Variants in PPA2 observed in about 807,000 individuals in gnomAD.
The protein encoded by PPA2 is inorganic pyrophosphatase 2, mitochondrial.
PPA2 carries 48 observed loss-of-function variants against 49.5 expected under a neutral mutation model. That is an observed-to-expected ratio of 0.97 (90% CI 0.77 to 1.23). The LOEUF (loss-of-function observed/expected upper bound fraction) is 1.23, where lower values mean the gene tolerates loss of function less well. PPA2 is among the 50% of genes most tolerant of loss of function. The pLI, the probability that PPA2 is intolerant of heterozygous loss-of-function variation, is 0.00. For missense variants in PPA2, 429 were observed against 410.1 expected (o/e 1.05, Z -0.40); for synonymous variants, 131 against 139.9 (o/e 0.94, Z 0.45).
At chr4:105,382,361 T>C (rs1307897708) in intron 10 of PPA2, among the ~76,000 whole-genome samples, 1 of 152,216 alleles carries the variant, frequency 6.6e-6, no homozygotes, top group African/African-American at 2.4e-5. Flanking sequence ...TAATTATGTA[T>C]GTGCATTAGA....
intron 6 of PPA2, among the ~76,000 whole-genome samples, chr4:105,424,657 T>A (rs78438014): frequency 6.6e-6 from 1 of 151,862 alleles, no homozygotes; most frequent in Admixed American, 6.6e-5. Context: ...CAGAGAGAAG[T>A]AAACAAATGA....
intron 7 of PPA2, among the ~76,000 whole-genome samples, chr4:105,421,240 A>G (rs1256990566): frequency 1.3e-5 from 2 of 152,338 alleles, no homozygotes; most frequent in Admixed American, 6.5e-5. Context: ...CTTCCAAAGT[A>G]ATAATTTGAG....
intron 5 of PPA2, among the ~76,000 whole-genome samples, chr4:105,443,109 T>A (rs1724441165): frequency 6.6e-6 from 1 of 151,966 alleles, no homozygotes; most frequent in African/African-American, 2.4e-5. Context: ...AGGTTACAAT[T>A]TGGCAGGTGT....
chr4:105,395,257 T>C (rs1734089717), intron 9 of PPA2, among the ~76,000 whole-genome samples: 1 of 151,676 alleles, frequency 6.6e-6, no homozygotes, highest in South Asian at 2.1e-4. Context: ...TGATATTAAA[T>C]AATTCTTTAC....
intron 1 of PPA2, among the ~76,000 whole-genome samples, chr4:105,466,769 CCT>C (rs1330411628): frequency 1.3e-5 from 2 of 152,146 alleles, no homozygotes; most frequent in African/African-American, 4.8e-5. Flanking sequence ...TCCCATCTCC[CCT>C]GATTCTTCCC....
At chr4:105,403,119 G>A (rs1722300496) in intron 7 of PPA2, among the ~76,000 whole-genome samples, 1 of 151,924 alleles carries the variant, frequency 6.6e-6, no homozygotes, top group Non-Finnish European at 1.5e-5. Context: ...GACTTCCAGG[G>A]CTCAATCAAT....
chr4:105,411,794 T>C (rs1354353900), intron 7 of PPA2, among the ~76,000 whole-genome samples: 1 of 152,010 alleles, frequency 6.6e-6, no homozygotes, highest in Non-Finnish European at 1.5e-5. Flanking sequence ...TATACACCAA[T>C]AACAGACAAA....
chr4:105,425,967 A>G (rs1723487004), intron 6 of PPA2, among the ~76,000 whole-genome samples: 1 of 152,168 alleles, frequency 6.6e-6, no homozygotes, highest in East Asian at 1.9e-4. Flanking sequence ...AAATCTTTAA[A>G]ATTCTTAAAA....
intron 10 of PPA2, among the ~76,000 whole-genome samples, chr4:105,379,913 C>T (rs767319752): frequency 3.3e-5 from 5 of 152,112 alleles, no homozygotes; most frequent in Admixed American, 6.6e-5. Flanking sequence ...GGATTACAGG[C>T]GTGAGCCACT....
chr4:105,441,262 A>G (rs1477822327), intron 5 of PPA2, among the ~76,000 whole-genome samples: 2 of 152,180 alleles, frequency 1.3e-5, no homozygotes, highest in Admixed American at 6.5e-5. Flanking sequence ...AAATAAGAAA[A>G]AGGGCAACCC....
intron 6 of PPA2, among the ~76,000 whole-genome samples, chr4:105,427,936 G>C (rs1455861034): frequency 6.6e-6 from 1 of 152,168 alleles, no homozygotes; most frequent in African/African-American, 2.4e-5. Flanking sequence ...AAAATGTTAA[G>C]GGCAGCCAGA....
intron 6 of PPA2, among the ~76,000 whole-genome samples, chr4:105,437,231 A>G (rs565544983): frequency 1.3e-5 from 2 of 148,838 alleles, no homozygotes; most frequent in South Asian, 4.4e-4. Context: ...AATTTAAACC[A>G]CATTGAAAGT....
At chr4:105,431,638 T>C (rs1407373260) in intron 6 of PPA2, among the ~76,000 whole-genome samples, 1 of 152,188 alleles carries the variant, frequency 6.6e-6, no homozygotes, top group African/African-American at 2.4e-5. Flanking sequence ...TGAATGTTCA[T>C]AGCAGCACTA....
Position 105,474,035 on chromosome 4 carries a change from G to C in PPA2, c.16C>G (p.Arg6Gly), listed in dbSNP as rs769620452. 25 of 1,591,224 alleles carry C rather than the reference G, an allele frequency of 1.6e-5. No homozygotes were observed. The highest frequency in any genetic ancestry group is 2.1e-5 in the Non-Finnish European group (25 of 1,168,540). ...GCTGGGGCACCCGTGCGCAGCAGCC[G>C]CAGCAGCGCGCTCATGGCGTCAATG... The part of the protein sequence containing the change: MSALL[R>G]LLRTGAPAAA... The change falls in exon 1 of 12, where the codon CGG becomes GGG. Residue 6 changes from arginine (R) to glycine (G), a missense_variant. By Grantham distance (125) the Arg-to-Gly change is moderately radical. Coordinates refer to ENST00000341695, the MANE Select transcript of PPA2 (RefSeq NM_176869.3).
At chr4:105,426,877 C>T (rs1050766415) in intron 6 of PPA2, among the ~76,000 whole-genome samples, 8 of 152,146 alleles carry the variant, frequency 5.3e-5, no homozygotes, top group Admixed American at 3.9e-4. Flanking sequence ...ATTTGAGCTC[C>T]GATAATAGAC....
Position 105,454,302 on chromosome 4 carries a change from CTGTTGTTGTTGT to C in PPA2, c.223-672_223-661del, listed in dbSNP as rs111229489. 5.9e-4 allele frequency among the ~76,000 whole-genome samples: 87 copies of C among 146,398 alleles called. 1 individual carries two copies. Among genetic ancestry groups the C allele is most frequent in the African/African-American group, 1.1e-3 (45 of 39,290 alleles). Reference sequence around the variant, plus strand: ...AACATTATTTTTGTTTTTGCTGCTGCTGTTGTTGTTGTTGTTGTTGTTGTTGTTGTTGTTGTT... The same window carrying C: ...AACATTATTTTTGTTTTTGCTGCTGCTGTTGTTGTTGTTGTTGTTGTTGTT... On this transcript the variant is annotated intron_variant, in intron 2 of 11. Transcript: ENST00000341695.
chr4:105,382,318 G>C lies in PPA2; in HGVS notation c.939+4249C>G, dbSNP rs918411160. Among the ~76,000 whole-genome samples the C allele has an allele frequency of 2.6e-5, 4 of 152,166 alleles. No individual in the cohort carries two copies. In the South Asian group the frequency reaches 8.3e-4, roughly 32 times the overall value. On this transcript the variant is annotated intron_variant, in intron 10 of 11. Transcript: ENST00000341695. ...TAATATCTACTCAATTTTTGGAAAT[G>C]TGTACATATACTTGAAAAAATTATG...
chr4:105,371,386 T>C (rs537664782), intron 10 of PPA2, among the ~76,000 whole-genome samples: 10 of 152,316 alleles, frequency 6.6e-5, no homozygotes, highest in Non-Finnish European at 1.2e-4. Context: ...TTTTTCCCCA[T>C]AATTAAGAAT....
chr4:105,411,236 A>C (rs1281771562), intron 7 of PPA2, among the ~76,000 whole-genome samples: 1 of 151,648 alleles, frequency 6.6e-6, no homozygotes, highest in African/African-American at 2.4e-5. Flanking sequence ...AATGGAAAGC[A>C]AAAAAAAGCA....
Sources: allele counts gnomAD v4.1 joint callset (sites outside exome capture counted in the v4.1 genomes callset), GRCh38; gene constraint gnomAD v4.1.1; transcripts MANE v1.5; gene names NCBI Gene and HGNC (gene_info 2026-07-23, HGNC 2026-07-21).